Variants in SUFU observed in about 807,000 individuals in gnomAD.
The protein encoded by SUFU is suppressor of fused homolog.
In SUFU, 7 loss-of-function variants were observed where a neutral mutation model predicts 58.9. The ratio of observed to expected loss-of-function variants is 0.12; its 90% confidence interval spans 0.07 to 0.22. The LOEUF (loss-of-function observed/expected upper bound fraction) is 0.22. Among genes scored for constraint, SUFU ranks in the 10% least tolerant of loss-of-function variants. The probability of loss-of-function intolerance (pLI) is 1.00; values close to 1 mark genes in which losing one functional copy is unlikely to be tolerated. For missense variants in SUFU, 451 were observed against 641.3 expected, an observed-to-expected ratio of 0.70 and a Z score of 3.20; for synonymous variants, 232 against 254.8, an observed-to-expected ratio of 0.91 and a Z score of 0.85.
intron 3 of SUFU, chr10:102,591,179 G>A (rs1291195501): frequency 6.6e-6 from 1 of 152,200 alleles, no homozygotes; most frequent in African/African-American, 2.4e-5. Context: ...GCCATTTAAA[G>A]AATGAGATAG....
chr10:102,537,520 T>G (rs1484789365), intron 2 of SUFU, among the ~76,000 whole-genome samples: 4 of 152,166 alleles, frequency 2.6e-5, no homozygotes, highest in Non-Finnish European at 5.9e-5. Flanking sequence ...CACCTTCCAC[T>G]TTCAGAAACA....
chr10:102,579,870 T>C (rs2063254895), intron 3 of SUFU: 1 of 985,108 alleles, frequency 1.0e-6, no homozygotes, highest in African/African-American at 1.7e-5. Context: ...TGGGTGAGGG[T>C]AGGGGTTAAT....
chr10:102,508,290 T>A (rs866744738), intron 1 of SUFU, among the ~76,000 whole-genome samples: 81 of 152,056 alleles, frequency 5.3e-4, no homozygotes, highest in Non-Finnish European at 8.1e-4. Context: ...GGATTTTTTT[T>A]AAAAAGCACT....
At chr10:102,566,225 A>G (rs1293620727) in intron 3 of SUFU, among the ~76,000 whole-genome samples, 1 of 152,244 alleles carries the variant, frequency 6.6e-6, no homozygotes, top group African/African-American at 2.4e-5. Context: ...AAAATTGAAC[A>G]TCTCTAACAG....
intron 8 of SUFU, among the ~76,000 whole-genome samples, chr10:102,600,654 C>T (rs142576953): frequency 1.3e-5 from 2 of 152,176 alleles, no homozygotes; most frequent in Non-Finnish European, 2.9e-5. Flanking sequence ...AACATAGCAT[C>T]GACCTTGAGG....
At chr10:102,582,714 G>A (rs890085548) in intron 3 of SUFU, among the ~76,000 whole-genome samples, 1 of 152,162 alleles carries the variant, frequency 6.6e-6, no homozygotes, top group Non-Finnish European at 1.5e-5. Context: ...TCCTGGAGTG[G>A]TATTTCCCTT....
intron 8 of SUFU, among the ~76,000 whole-genome samples, chr10:102,609,568 C>CT (rs1188493374): frequency 1.3e-5 from 2 of 152,140 alleles, no homozygotes; most frequent in Non-Finnish European, 2.9e-5. Context: ...AACCTAGACC[C>CT]AATTGTTTGG....
At chr10:102,585,333 T>C (rs2063325627) in intron 3 of SUFU, among the ~76,000 whole-genome samples, 1 of 152,202 alleles carries the variant, frequency 6.6e-6, no homozygotes, top group Admixed American at 6.5e-5. Context: ...TCATATAAGG[T>C]CTATTATGAC....
rs897189138 is a variant in SUFU at position 102,571,392 on chromosome 10, C to T, written c.455-21190C>T. Among the ~76,000 whole-genome samples, 5 of 152,176 alleles carry T rather than the reference C, an allele frequency of 3.3e-5. No individual in the cohort carries two copies. The South Asian group carries it at 1.0e-3, about 31-fold the overall frequency. On this transcript the variant is annotated intron_variant, in intron 3 of 11. Coordinates refer to ENST00000369902, the MANE Select transcript of SUFU (RefSeq NM_016169.4). ...AGTTGATGTTTAAGGAGGCCGGGCA[C>T]AGTGGCTGACGCCTGTAATCCCAGC...
chr10:102,573,739 A>T (rs551351652), intron 3 of SUFU, among the ~76,000 whole-genome samples: 17 of 152,316 alleles, frequency 1.1e-4, no homozygotes, highest in Non-Finnish European at 2.1e-4. Flanking sequence ...CAAAAAGACA[A>T]ATATTGTATG....
intron 8 of SUFU, among the ~76,000 whole-genome samples, chr10:102,608,103 A>G (rs1159394157): frequency 5.9e-5 from 9 of 151,932 alleles, no homozygotes; most frequent in Admixed American, 5.9e-4. Context: ...GGGTGCCTAT[A>G]ATCCCAGCTC....
chr10:102,536,156 G>A (rs935598879), intron 2 of SUFU, among the ~76,000 whole-genome samples: 3 of 151,464 alleles, frequency 2.0e-5, no homozygotes, highest in Admixed American at 6.6e-5. Flanking sequence ...TAGTGGAGAC[G>A]GTTTCACCAT....
At chr10:102,589,965 T>G (rs972866566) in intron 3 of SUFU, among the ~76,000 whole-genome samples, 1 of 151,984 alleles carries the variant, frequency 6.6e-6, no homozygotes, top group African/African-American at 2.4e-5. Context: ...AATCTGAGTT[T>G]TTTTTTTTAT....
chr10:102,565,278 A>G (rs147129889), intron 3 of SUFU, among the ~76,000 whole-genome samples: 20 of 152,274 alleles, frequency 1.3e-4, no homozygotes, highest in African/African-American at 4.8e-4. Context: ...AATGTTTTCC[A>G]CTTCTGAATA....
intron 2 of SUFU, among the ~76,000 whole-genome samples, chr10:102,535,674 A>T (rs2135708437): frequency 6.6e-6 from 1 of 152,142 alleles, no homozygotes; most frequent in Non-Finnish European, 1.5e-5. Flanking sequence ...ACTGAGCCAT[A>T]ATGCCTAACC....
chr10:102,618,931 CGTGTGTGTGTGTGTGTGTGTGTGTGT>C (rs59259635), intron 10 of SUFU: 1 of 573,968 alleles, frequency 1.7e-6, no homozygotes, highest in South Asian at 2.0e-5. Context: ...CCTCAGGTAG[CGTGTGTGTGTGTGTGTGTGTGTGTGT>C]GTGTGTGTGT....
At chr10:102,604,920 CTTTTTTTTTTTTTT>C (rs769490548) in intron 8 of SUFU, among the ~76,000 whole-genome samples, 7 of 86,434 alleles carry the variant, frequency 8.1e-5, no homozygotes, top group Admixed American at 5.6e-4. Flanking sequence ...AAAATATTGC[CTTTTTTTTTTTTTT>C]TTTTTTTTTT....
At chr10:102,623,921 T>C (rs936720107) in intron 10 of SUFU, among the ~76,000 whole-genome samples, 2 of 152,014 alleles carry the variant, frequency 1.3e-5, no homozygotes, top group Non-Finnish European at 2.9e-5. Flanking sequence ...GCCTGGGCGA[T>C]AGGGCAAGAG....
intron 7 of SUFU, among the ~76,000 whole-genome samples, chr10:102,598,000 AC>A (rs2063480976): frequency 6.6e-6 from 1 of 152,212 alleles, no homozygotes; most frequent in Admixed American, 6.5e-5. Context: ...TTCTTTGTCT[AC>A]TTCCTTTCTT....
Sources: gnomAD v4.1 joint callset for allele counts (sites outside exome capture counted in the v4.1 genomes callset) on GRCh38, gnomAD v4.1.1 for gene constraint, MANE v1.5 for transcripts, NCBI Gene and HGNC (gene_info 2026-07-23, HGNC 2026-07-21) for gene names.